The following MDN1 variants were observed in gnomAD, a reference collection of about 807,000 sequenced individuals.
MDN1 encodes midasin.
In MDN1, 266 loss-of-function variants were observed where a neutral mutation model predicts 669.2. The observed-to-expected ratio is 0.40, with a 90% confidence interval of 0.36 to 0.44. The LOEUF (loss-of-function observed/expected upper bound fraction) is 0.44. Among genes scored for constraint, MDN1 ranks in the 20% least tolerant of loss-of-function variants. The pLI is 1.00. For synonymous variants in MDN1, 2,385 were observed against 2,457.1 expected, an observed-to-expected ratio of 0.97 and a Z score of 0.87; for missense variants, 5,940 against 6,754.0, an observed-to-expected ratio of 0.88 and a Z score of 4.22.
chr6:89,678,550 C>A, intron 75 of MDN1, 49 bp downstream of exon 75: 2 of 1,592,936 alleles, frequency 1.3e-6, no homozygotes, highest in Non-Finnish European at 8.6e-7. Flanking sequence ...CATTTCTCTC[C>A]CTAAAAGTTG....
At chr6:89,721,987 C>A (rs1271175404) in intron 40 of MDN1, among the ~76,000 whole-genome samples, 1 of 152,106 alleles carries the variant, frequency 6.6e-6, no homozygotes, top group African/African-American at 2.4e-5. Flanking sequence ...AAACAGCAGA[C>A]AAACTGGAGA....
At chr6:89,675,181 G>A (rs1383168652) in intron 78 of MDN1, among the ~76,000 whole-genome samples, 2 of 152,140 alleles carry the variant, frequency 1.3e-5, no homozygotes, top group African/African-American at 4.8e-5. Flanking sequence ...CCAGACACAG[G>A]TATAGTTCAC....
At chr6:89,681,107 C>T (rs1353311970) in intron 73 of MDN1, among the ~76,000 whole-genome samples, 3 of 152,000 alleles carry the variant, frequency 2.0e-5, no homozygotes, top group Admixed American at 1.3e-4. Context: ...AGCAGCCAGG[C>T]GAAACTGGTC....
At chr6:89,766,825 G>T (rs1817823145) in intron 15 of MDN1, among the ~76,000 whole-genome samples, 1 of 152,126 alleles carries the variant, frequency 6.6e-6, no homozygotes, top group Non-Finnish European at 1.5e-5. Flanking sequence ...TGCTCTTCTG[G>T]GCAGTTTCTT....
At chr6:89,797,922 T>A (rs772886674) in intron 2 of MDN1, 10 of 169,642 alleles carry the variant, frequency 5.9e-5, no homozygotes, top group Non-Finnish European at 1.0e-4. Context: ...GGCTCACGCC[T>A]GTAATCCCAG....
Position 89,644,049 on chromosome 6 carries a change from G to C in MDN1, c.16747C>G (p.Leu5583Val), listed in dbSNP as rs1384237014. ...GTCACCAACTCAAACCACTGTCTGA[G>C]GGCATCGCTGAGTGTCTCAGGAAGT... ...NALPETLSDA[L>V]RQWFELVTAS... Residue 5583 changes from leucine to valine, a missense_variant, in exon 102 of 102, where the codon CTC (leucine) becomes GTC (valine). This residue lies in a region of MDN1 where 2,280 missense variants were observed against 2,576.3 expected (regional missense o/e 0.88). Coordinates refer to ENST00000369393, the MANE Select transcript of MDN1 (RefSeq NM_014611.3). The C allele has an allele frequency of 6.2e-7, 1 of 1,613,818 alleles. No homozygotes were observed.
At position 89,654,177 on chromosome 6, in the gene MDN1, G is replaced by A. The variant is rs1297779040; in HGVS notation, c.15648C>T (p.Thr5216=). The change falls in exon 93 of 102, where the codon ACC becomes ACT. Residue 5216 remains threonine, a synonymous_variant. Coordinates refer to ENST00000369393, the MANE Select transcript of MDN1 (RefSeq NM_014611.3). ...AGCAGGACTCACCCAAGGGTGCTGT[G>A]GTGCCCGACTTGATTTCCTCTGGCT... ...QLKPEEIKSG[T]TAPLGFDEME... 1 of 1,614,058 alleles carries A rather than the reference G, an allele frequency of 6.2e-7. No individual in the cohort carries two copies. The highest frequency in any genetic ancestry group is 8.5e-7 in the Non-Finnish European group (1 of 1,180,044).
At chr6:89,693,992 C>G in intron 62 of MDN1, 82 bp downstream of exon 62, 1 of 1,103,758 alleles carries the variant, frequency 9.1e-7, no homozygotes, top group Non-Finnish European at 1.4e-6. Flanking sequence ...TGTATATTAT[C>G]ACTTCTACTC....
intron 15 of MDN1, among the ~76,000 whole-genome samples, chr6:89,770,075 G>C (rs927675100): frequency 6.6e-6 from 1 of 151,518 alleles, no homozygotes; most frequent in Non-Finnish European, 1.5e-5. Context: ...TCCAGCCTTG[G>C]TGACAGAACG....
At chr6:89,704,022 A>C (rs868003577) in intron 53 of MDN1, among the ~76,000 whole-genome samples, 1,620 of 152,120 alleles carry the variant, frequency 0.011, 28 homozygotes, top group African/African-American at 0.038. Context: ...TCAAAAAAAA[A>C]AAAAAAAAAA....
At chr6:89,658,469 G>A in intron 89 of MDN1, 99 bp from the exon 90 acceptor site, 3 of 1,551,318 alleles carry the variant, frequency 1.9e-6, no homozygotes, top group East Asian at 2.2e-5. Flanking sequence ...CTCACTAAGG[G>A]TCTTAAAACA....
chr6:89,750,817 G>A (rs1816896864), intron 23 of MDN1, among the ~76,000 whole-genome samples: 1 of 151,968 alleles, frequency 6.6e-6, no homozygotes, highest in Non-Finnish European at 1.5e-5. Context: ...TGCCCAGGCT[G>A]TTCTCAAAAC....
In MDN1 at chr6:89,695,155, C is replaced by T. The variant is rs1174812909; in HGVS notation, c.9771+450G>A. Among the ~76,000 whole-genome samples the T allele has an allele frequency of 6.6e-6, 1 of 152,148 alleles. No homozygotes were observed. Among genetic ancestry groups the T allele is most frequent in the Non-Finnish European group, 1.5e-5 (1 of 68,018 alleles). ...GGCTGAGGCAGAGAATTGCTTGAAC[C>T]CAGGAGGCAGAGGTTGCAGTGAGCC... On this transcript the variant is annotated intron_variant, in intron 61 of 101. Transcript: ENST00000369393. The surrounding 1 kb of genome is among the most constrained non-coding windows in gnomAD (Gnocchi z 4.1).
intron 78 of MDN1, among the ~76,000 whole-genome samples, chr6:89,674,957 C>T (rs1326306499): frequency 6.6e-6 from 1 of 152,200 alleles, no homozygotes; most frequent in African/African-American, 2.4e-5. Flanking sequence ...CAACAGATGA[C>T]GACAACCTTC....
In MDN1 at chr6:89,690,114, C is replaced by T. The variant is rs549448645; in HGVS notation, c.10779G>A (p.Thr3593=). The T allele has an allele frequency of 2.0e-5, 33 of 1,614,008 alleles. 1 individual carries two copies. The highest frequency in any genetic ancestry group is 6.7e-5 in the Admixed American group (4 of 60,000). The part of the protein sequence containing the change: ...KDFADILVQP[T]LEENKGTSDG... ...CTGAAGTTCCTTTGTTCTCCTCCAA[C>T]GTTGGCTGCACCAAAATATCTGCAA... The change falls in exon 65 of 102, where the codon ACG becomes ACA. Residue 3593 remains threonine (T), a synonymous_variant. Coordinates refer to ENST00000369393, the MANE Select transcript of MDN1 (RefSeq NM_014611.3).
At chr6:89,816,809 G>A (rs1466064218) in intron 1 of MDN1, among the ~76,000 whole-genome samples, 4 of 151,610 alleles carry the variant, frequency 2.6e-5, no homozygotes, top group Admixed American at 2.6e-4. Flanking sequence ...TGAGTAGCTG[G>A]GACTACAGGT....
At chr6:89,646,465 A>G in intron 100 of MDN1, 75 bp downstream of exon 100, 3 of 1,264,020 alleles carry the variant, frequency 2.4e-6, no homozygotes, top group Non-Finnish European at 3.5e-6. Flanking sequence ...GGGGACACTG[A>G]GCTGAAGCAA....
chr6:89,776,533 C>CAGCA (rs1004847176), intron 12 of MDN1, 67 bp downstream of exon 12: 3 of 1,238,846 alleles, frequency 2.4e-6, no homozygotes, highest in African/African-American at 3.0e-5. Flanking sequence ...GACTAGAGAC[C>CAGCA]AGCAAGCAAG....
chr6:89,797,906 C>A (rs1819690649), intron 2 of MDN1: 1 of 174,186 alleles, frequency 5.7e-6, no homozygotes, highest in Non-Finnish European at 1.2e-5. Flanking sequence ...GTCGGCCAGG[C>A]GTGGTGGCTC....
Sources: allele counts gnomAD v4.1 joint callset (sites outside exome capture counted in the v4.1 genomes callset), GRCh38; gene constraint gnomAD v4.1.1; regional missense constraint gnomAD v4.1.1; non-coding constraint Gnocchi (gnomAD v3.1); transcripts MANE v1.5; gene names NCBI Gene and HGNC (gene_info 2026-07-23, HGNC 2026-07-21).